Variants in RAPGEF6 observed in about 807,000 individuals in gnomAD.
RAPGEF6 encodes Rap guanine nucleotide exchange factor 6.
Under a neutral mutation model 171.4 loss-of-function variants are expected in RAPGEF6, and 56 were observed. The ratio of observed to expected loss-of-function variants is 0.33; its 90% CI spans 0.26 to 0.41. RAPGEF6 has a LOEUF of 0.41. RAPGEF6 is among the 10% of genes least tolerant of loss of function. RAPGEF6 has a pLI of 1.00. For missense variants in RAPGEF6, 1,674 were observed against 1,921.4 expected (o/e 0.87, Z 2.41); for synonymous variants, 692 against 650.1 (o/e 1.06, Z -0.98).
chr5:131,516,044 TCC>T (rs1758050347), intron 7 of RAPGEF6, among the ~76,000 whole-genome samples: 1 of 57,744 alleles, frequency 1.7e-5, no homozygotes, highest in Non-Finnish European at 4.2e-5. Context: ...TCAGATGATA[TCC>T]TTTTTTTTTT....
At chr5:131,584,039 G>A (rs547998713) in intron 4 of RAPGEF6, among the ~76,000 whole-genome samples, 6 of 152,270 alleles carry the variant, frequency 3.9e-5, no homozygotes, top group African/African-American at 1.4e-4. Context: ...AGGGAGCAGG[G>A]AACTATGAGA....
intron 24 of RAPGEF6, among the ~76,000 whole-genome samples, chr5:131,438,675 G>A (rs1399950403): frequency 6.6e-6 from 1 of 152,110 alleles, no homozygotes; most frequent in Admixed American, 6.5e-5. Context: ...AACATGAAAT[G>A]GCATCTGCTG....
chr5:131,468,022 C>G (rs1580871670), intron 17 of RAPGEF6, among the ~76,000 whole-genome samples: 1 of 150,642 alleles, frequency 6.6e-6, no homozygotes, highest in Non-Finnish European at 1.5e-5. Flanking sequence ...CAGAGTGAGG[C>G]TCTGTCAAAA....
chr5:131,518,702 T>A (rs1758268085), intron 7 of RAPGEF6, among the ~76,000 whole-genome samples: 1 of 152,088 alleles, frequency 6.6e-6, no homozygotes, highest in Non-Finnish European at 1.5e-5. Flanking sequence ...AGCAGCAGAG[T>A]TTGAAAATTT....
At chr5:131,629,388 A>C (rs978272304) in intron 1 of RAPGEF6, among the ~76,000 whole-genome samples, 1 of 152,190 alleles carries the variant, frequency 6.6e-6, no homozygotes, top group East Asian at 1.9e-4. Flanking sequence ...AAGAGGTTGA[A>C]TCCAACCTTT....
chr5:131,546,207 T>C (rs1379454140), intron 6 of RAPGEF6, among the ~76,000 whole-genome samples: 2 of 152,184 alleles, frequency 1.3e-5, no homozygotes. Context: ...GAAAACTAAA[T>C]ATTACAGTTA....
At chr5:131,484,921 C>T (rs112122441) in intron 15 of RAPGEF6, among the ~76,000 whole-genome samples, 9 of 152,220 alleles carry the variant, frequency 5.9e-5, no homozygotes, top group African/African-American at 2.2e-4. Context: ...GACAAGTTAT[C>T]TGAAAAATGG....
At chr5:131,486,970 T>C (rs1049328373) in intron 15 of RAPGEF6, among the ~76,000 whole-genome samples, 1 of 152,210 alleles carries the variant, frequency 6.6e-6, no homozygotes, top group Non-Finnish European at 1.5e-5. Flanking sequence ...TGCTTGGTGA[T>C]CCCTGATCGT....
At chr5:131,598,199 CAT>C (rs1405993535) in intron 3 of RAPGEF6, among the ~76,000 whole-genome samples, 5 of 152,072 alleles carry the variant, frequency 3.3e-5, no homozygotes, top group East Asian at 3.8e-4. Flanking sequence ...TAAAAATTCA[CAT>C]GAGTGGGTAT....
At chr5:131,514,974 CAT>C (rs1236647107) in intron 7 of RAPGEF6, among the ~76,000 whole-genome samples, 3 of 152,166 alleles carry the variant, frequency 2.0e-5, no homozygotes, top group Non-Finnish European at 2.9e-5. Context: ...CTTTTCCTGA[CAT>C]ATGAATGTGT....
At chr5:131,504,443 C>T (rs1580931376) in intron 11 of RAPGEF6, among the ~76,000 whole-genome samples, 183 bp downstream of exon 11, 1 of 148,710 alleles carries the variant, frequency 6.7e-6, no homozygotes, top group Non-Finnish European at 1.5e-5. Context: ...GCCTGGGCAA[C>T]AGAGTGAGAC....
chr5:131,617,319 C>G (rs1765329652), intron 1 of RAPGEF6, among the ~76,000 whole-genome samples: 1 of 151,146 alleles, frequency 6.6e-6, no homozygotes, highest in Admixed American at 6.6e-5. Flanking sequence ...AAAAAAAACC[C>G]AATTTGGACT....
At chr5:131,602,542 C>G (rs944473205) in intron 3 of RAPGEF6, among the ~76,000 whole-genome samples, 1 of 152,140 alleles carries the variant, frequency 6.6e-6, no homozygotes, top group Admixed American at 6.6e-5. Context: ...AGGTGGATCA[C>G]CTGAGGTCAG....
intron 1 of RAPGEF6, among the ~76,000 whole-genome samples, chr5:131,612,826 C>T (rs769525412): frequency 6.6e-5 from 10 of 152,068 alleles, no homozygotes; most frequent in Admixed American, 2.6e-4. Context: ...AGGACATCTT[C>T]GGCACATCAT....
At chr5:131,470,952 G>A (rs1754696030) in intron 17 of RAPGEF6, among the ~76,000 whole-genome samples, 1 of 152,172 alleles carries the variant, frequency 6.6e-6, no homozygotes, top group African/African-American at 2.4e-5. Context: ...AGGGGGTTCA[G>A]GTCAGCAACA....
chr5:131,463,578 CA>C (rs374469493), intron 18 of RAPGEF6: 18,948 of 416,656 alleles, frequency 0.045, no homozygotes, highest in Non-Finnish European at 0.052. Context: ...GACTCCATCT[CA>C]AAAAAAAAAA....
intron 21 of RAPGEF6, 127 bp downstream of exon 21, chr5:131,452,927 G>T: frequency 8.5e-7 from 1 of 1,170,426 alleles, no homozygotes; most frequent in Non-Finnish European, 1.1e-6. Context: ...TACATGAAAC[G>T]GACACATATA....
At chr5:131,601,191 C>T (rs1764229689) in intron 3 of RAPGEF6, among the ~76,000 whole-genome samples, 1 of 151,744 alleles carries the variant, frequency 6.6e-6, no homozygotes, top group African/African-American at 2.4e-5. Flanking sequence ...CAAGACCAGC[C>T]TGACCAACAT....
intron 24 of RAPGEF6, chr5:131,435,844 AT>A (rs1751975488): frequency 7.0e-7 from 1 of 1,426,330 alleles, no homozygotes; most frequent in Non-Finnish European, 9.2e-7. Context: ...TATAAATAGT[AT>A]TTTACTAAGT....
Sources: allele counts gnomAD v4.1 joint callset (sites outside exome capture counted in the v4.1 genomes callset), GRCh38; gene constraint gnomAD v4.1.1; transcripts MANE v1.5; gene names NCBI Gene and HGNC (gene_info 2026-07-23, HGNC 2026-07-21).